Variants in SLC48A1 observed in about 807,000 individuals in gnomAD.
The protein encoded by SLC48A1 is heme transporter HRG1.
SLC48A1 carries 6 observed loss-of-function variants against 14.8 expected under a neutral mutation model. The observed-to-expected ratio is 0.41, with a 90% CI of 0.22 to 0.80. The LOEUF is 0.80. SLC48A1 is among the 30% of genes least tolerant of loss of function. The pLI is 0.34. For synonymous variants in SLC48A1, 89 were observed against 90.0 expected (o/e 0.99, Z 0.06); for missense variants, 165 against 204.8 (o/e 0.81, Z 1.19).
At chr12:47,758,911 C>T in intron 1 of SLC48A1, 2 of 1,077,034 alleles carry the variant, frequency 1.9e-6, no homozygotes, top group Non-Finnish European at 2.2e-6. Flanking sequence ...CTGTCACACC[C>T]CCTGCGCTGC....
upstream of SLC48A1, among the ~76,000 whole-genome samples, chr12:47,766,987 T>C (rs60776348): frequency 0.16 from 24,130 of 152,102 alleles, 2,046 homozygotes; most frequent in Non-Finnish European, 0.18. Context: ...CAGCTCCTCC[T>C]TGCAGCCAGC....
At chr12:47,760,559 C>T (rs2136840377) in intron 2 of SLC48A1, among the ~76,000 whole-genome samples, 1 of 152,186 alleles carries the variant, frequency 6.6e-6, no homozygotes, top group South Asian at 2.1e-4. Flanking sequence ...TTACTCTGGG[C>T]AGGTGGAAGA....
upstream of SLC48A1, among the ~76,000 whole-genome samples, chr12:47,771,972 G>A (rs561136365): frequency 8.6e-5 from 13 of 151,334 alleles, no homozygotes; most frequent in Admixed American, 2.6e-4. Context: ...TTTTCCCCTA[G>A]AGCCTCCAGA....
At chr12:47,770,256 A>G (rs776855138), upstream of SLC48A1, among the ~76,000 whole-genome samples, 2 of 152,250 alleles carry the variant, frequency 1.3e-5, no homozygotes, top group Non-Finnish European at 2.9e-5. Flanking sequence ...CTCACTTTCC[A>G]GCACAGCAAG....
At chr12:47,761,778 A>T (rs750306124) in intron 2 of SLC48A1, among the ~76,000 whole-genome samples, 1 of 152,200 alleles carries the variant, frequency 6.6e-6, no homozygotes, top group Non-Finnish European at 1.5e-5. Flanking sequence ...AATAGTCAAC[A>T]TGCACCAGGC....
At chr12:47,758,431 C>G, upstream of SLC48A1, 1 of 1,560,638 alleles carries the variant, frequency 6.4e-7, no homozygotes, top group Non-Finnish European at 8.7e-7. Context: ...CGGCTTAAAC[C>G]CTTCTCCTCT....
intron 1 of SLC48A1, chr12:47,760,094 T>G (rs1942331509): frequency 2.3e-6 from 1 of 437,862 alleles, no homozygotes; most frequent in Non-Finnish European, 3.0e-6. Flanking sequence ...CCATTTTTAA[T>G]GTATACATGT....
intron 2 of SLC48A1, among the ~76,000 whole-genome samples, chr12:47,779,783 G>C (rs1249317502): frequency 6.6e-6 from 1 of 152,236 alleles, no homozygotes; most frequent in East Asian, 1.9e-4. Context: ...TACCGCCTGA[G>C]CTCTGCCTCC....
intron 1 of SLC48A1, among the ~76,000 whole-genome samples, chr12:47,776,264 A>G (rs994655455): frequency 5.3e-5 from 8 of 152,224 alleles, no homozygotes; most frequent in South Asian, 4.1e-4. Flanking sequence ...CTGTGAGCCA[A>G]TAAGCTCACA....
In SLC48A1 at chr12:47,777,232, C is replaced by T. The variant is rs1225649034; in HGVS notation, c.137-1796C>T. On this transcript the variant is annotated intron_variant, in intron 1 of 2. Coordinates refer to ENST00000442218, the MANE Select transcript of SLC48A1 (RefSeq NM_017842.3). This position sits in a 1 kb window ranked among gnomAD's most constrained non-coding sequence, Gnocchi z 4.5. ...TCCACCTCTGGCCCACTCCAGCATC[C>T]AGACTAGGTGGGGAGGAACAGATGC... is the stretch of plus-strand genomic sequence containing the variant. Among the ~76,000 whole-genome samples, 3 of 152,190 alleles carry T rather than the reference C, an allele frequency of 2.0e-5. No homozygotes were observed. Among genetic ancestry groups the T allele is most frequent in the African/African-American group, 7.2e-5 (3 of 41,442 alleles).
intron 2 of SLC48A1, among the ~76,000 whole-genome samples, chr12:47,760,837 C>T (rs1173103935): frequency 2.6e-5 from 4 of 152,134 alleles, no homozygotes; most frequent in Admixed American, 1.3e-4. Context: ...TGGTATACTG[C>T]GTATACTCTG....
chr12:47,773,215 C>A (rs866458705), upstream of SLC48A1: 69 of 1,070,930 alleles, frequency 6.4e-5, 1 homozygote, highest in African/African-American at 8.5e-4. Flanking sequence ...GCTGCTCTGG[C>A]GGCTCCCGCG....
chr12:47,771,135 ATTT>A (rs775933772), upstream of SLC48A1: 1 of 288,090 alleles, frequency 3.5e-6, no homozygotes, highest in African/African-American at 2.2e-5. Flanking sequence ...GGCTGGGTTT[ATTT>A]TTTTATTTTT....
intron 2 of SLC48A1, among the ~76,000 whole-genome samples, chr12:47,766,568 G>C (rs1036430827): frequency 1.3e-5 from 2 of 152,276 alleles, no homozygotes; most frequent in Non-Finnish European, 2.9e-5. Flanking sequence ...GAGATCGCTA[G>C]AGAACACCAA....
chr12:47,776,481 A>AG (rs143756563), intron 1 of SLC48A1, among the ~76,000 whole-genome samples: 19,582 of 152,114 alleles, frequency 0.13, 1,589 homozygotes, highest in Non-Finnish European at 0.18. Context: ...GGGACCAGTG[A>AG]GGGGCTCCAT....
At chr12:47,762,578 A>G (rs771321007) in intron 2 of SLC48A1, among the ~76,000 whole-genome samples, 8 of 152,230 alleles carry the variant, frequency 5.3e-5, no homozygotes, top group Non-Finnish European at 1.2e-4. Flanking sequence ...GGTCTCTTCC[A>G]GTATTTACTA....
At chr12:47,773,058 C>T, upstream of SLC48A1, 1 of 427,808 alleles carries the variant, frequency 2.3e-6, no homozygotes, top group Non-Finnish European at 3.1e-6. Context: ...CAGGAATCCG[C>T]CTTTTTAGCA....
chr12:47,777,838 C>T lies in SLC48A1; in HGVS notation c.137-1190C>T, dbSNP rs950006334. 3.3e-5 allele frequency among the ~76,000 whole-genome samples: 5 copies of T among 152,216 alleles called. No individual in the cohort carries two copies. The highest frequency in any genetic ancestry group is 1.2e-4 in the African/African-American group (5 of 41,446). On this transcript the variant is annotated intron_variant, in intron 1 of 2. Transcript: ENST00000442218. This position sits in a 1 kb window ranked among gnomAD's most constrained non-coding sequence, Gnocchi z 4.5. The stretch of plus-strand genomic sequence containing the variant: ...ATAGATTCAAAGCACTTCCCCACCC[C>T]CACCGCCCCATCAACTTCCCTTCCT...
intron 1 of SLC48A1, among the ~76,000 whole-genome samples, chr12:47,775,599 T>G (rs1381920638): frequency 6.6e-6 from 1 of 152,200 alleles, no homozygotes; most frequent in South Asian, 2.1e-4. Flanking sequence ...CTTCCTCTTT[T>G]GGGGGTAAAG....
Sources: allele counts gnomAD v4.1 joint callset (sites outside exome capture counted in the v4.1 genomes callset), GRCh38; gene constraint gnomAD v4.1.1; non-coding constraint Gnocchi (gnomAD v3.1); transcripts MANE v1.5; gene names NCBI Gene and HGNC (gene_info 2026-07-23, HGNC 2026-07-21).